The following CUBN variants were observed in gnomAD, a reference collection of about 807,000 sequenced individuals.
CUBN encodes cubilin.
In CUBN, 282 loss-of-function variants were observed where a neutral mutation model predicts 405.3. That is an observed-to-expected ratio of 0.70 (90% CI 0.63 to 0.77). CUBN has a LOEUF of 0.77. CUBN is among the 30% of genes least tolerant of loss of function. CUBN has a pLI of 0.00. For synonymous variants in CUBN, 1,684 were observed against 1,617.0 expected (o/e 1.04, Z -0.99); for missense variants, 4,514 against 4,475.2 (o/e 1.01, Z -0.25).
At chr10:16,903,472 G>C (rs1841457817) in intron 51 of CUBN, among the ~76,000 whole-genome samples, 1 of 151,822 alleles carries the variant, frequency 6.6e-6, no homozygotes, top group African/African-American at 2.4e-5. Flanking sequence ...AAAGCATAAA[G>C]AACTAACATT....
chr10:17,049,339 T>C (rs1246041166), intron 22 of CUBN, among the ~76,000 whole-genome samples: 2 of 152,160 alleles, frequency 1.3e-5, no homozygotes, highest in Non-Finnish European at 1.5e-5. Flanking sequence ...GGCCAGTAAA[T>C]CAAATATTTA....
At chr10:17,120,185 A>C (rs1837004599) in intron 6 of CUBN, among the ~76,000 whole-genome samples, 2 of 152,258 alleles carry the variant, frequency 1.3e-5, no homozygotes, top group Non-Finnish European at 2.9e-5. Flanking sequence ...TTAACCTCAC[A>C]TAATTAACAG....
At chr10:16,926,907 T>C (rs1842207686) in intron 41 of CUBN, among the ~76,000 whole-genome samples, 1 of 151,946 alleles carries the variant, frequency 6.6e-6, no homozygotes, top group Non-Finnish European at 1.5e-5. Flanking sequence ...GTGAAGTCTA[T>C]ATTTTAGTGC....
intron 17 of CUBN, among the ~76,000 whole-genome samples, chr10:17,075,078 T>A: frequency 1.0e-5 from 1 of 100,338 alleles, no homozygotes; most frequent in East Asian, 3.1e-4. Flanking sequence ...GTTTTCTTTT[T>A]TTTTTTTTTT....
chr10:17,057,978 C>T (rs770580989), intron 22 of CUBN, among the ~76,000 whole-genome samples: 4 of 151,858 alleles, frequency 2.6e-5, no homozygotes, highest in Admixed American at 6.6e-5. Flanking sequence ...AAAAATTAGC[C>T]GGGCATGGTG....
chr10:17,014,705 C>G (rs1283634425), intron 28 of CUBN, among the ~76,000 whole-genome samples: 4 of 152,166 alleles, frequency 2.6e-5, no homozygotes, highest in Non-Finnish European at 5.9e-5. Flanking sequence ...GGCTTCCAAA[C>G]AGGTAGCCAA....
chr10:16,907,501 A>G lies in CUBN; in HGVS notation c.7705+7T>C. The G allele has an allele frequency of 6.2e-7, 1 of 1,614,104 alleles. No individual in the cohort carries two copies. ...AAATGGGGGGCATTTACAACATCCTACATTACCTGCATCTTCACTGGAGGT... is the reference window on the plus strand; with the variant it reads ...AAATGGGGGGCATTTACAACATCCTGCATTACCTGCATCTTCACTGGAGGT... On this transcript the variant is annotated splice_region_variant and intron_variant, in intron 49 of 66. Coordinates refer to ENST00000377833, the MANE Select transcript of CUBN (RefSeq NM_001081.4).
At chr10:16,987,393 T>C (rs2131708060) in intron 29 of CUBN, among the ~76,000 whole-genome samples, 1 of 152,366 alleles carries the variant, frequency 6.6e-6, no homozygotes, top group Non-Finnish European at 1.5e-5. Context: ...ATGCTCAGGA[T>C]GGAGGACATT....
intron 22 of CUBN, among the ~76,000 whole-genome samples, chr10:17,055,537 T>A (rs1338046746): frequency 6.6e-6 from 1 of 152,086 alleles, no homozygotes; most frequent in African/African-American, 2.4e-5. Flanking sequence ...TTTATTTAAG[T>A]CATTAGAACT....
At chr10:17,048,928 G>A (rs544244842) in intron 22 of CUBN, among the ~76,000 whole-genome samples, 2 of 152,308 alleles carry the variant, frequency 1.3e-5, no homozygotes, top group South Asian at 2.1e-4. Context: ...AGCTCTCAAA[G>A]GAATGGGCAT....
chr10:16,959,027 G>A (rs534814807), intron 31 of CUBN, among the ~76,000 whole-genome samples: 26 of 152,286 alleles, frequency 1.7e-4, no homozygotes, highest in Admixed American at 8.5e-4. Flanking sequence ...AAGTGCAGAA[G>A]AGAGAGAACC....
chr10:16,842,268 A>C (rs756160787), intron 60 of CUBN, among the ~76,000 whole-genome samples: 7 of 152,048 alleles, frequency 4.6e-5, no homozygotes, highest in Non-Finnish European at 1.0e-4. Context: ...AAACTTGCTT[A>C]TTTCATTGGC....
intron 6 of CUBN, chr10:17,122,569 T>G (rs1327550065): frequency 1.7e-6 from 1 of 587,552 alleles, no homozygotes; most frequent in African/African-American, 1.9e-5. Context: ...TCCTTGGGGA[T>G]GTTAGAGCAA....
intron 6 of CUBN, among the ~76,000 whole-genome samples, chr10:17,120,105 T>A (rs1462208480): frequency 6.6e-6 from 1 of 152,204 alleles, no homozygotes; most frequent in Non-Finnish European, 1.5e-5. Context: ...CAAGTTTTCT[T>A]TTAGCTAATG....
rs966944419 is a variant in CUBN, at chr10:16,969,038, T to C, written c.4695+13446A>G. Among the ~76,000 whole-genome samples, 13 of 152,224 alleles carry C rather than the reference T, an allele frequency of 8.5e-5. 1 individual carries two copies. The highest frequency in any genetic ancestry group is 8.5e-4 in the Admixed American group (13 of 15,282). ...AATAGAAGTCAAAAAATCCAGTTTT[T>C]CCCTTTTCTCATTATAGCAGCATGC... On this transcript the variant is annotated intron_variant, in intron 31 of 66. Transcript: ENST00000377833.
intron 22 of CUBN, among the ~76,000 whole-genome samples, chr10:17,064,267 A>C: frequency 6.6e-6 from 1 of 152,216 alleles, no homozygotes; most frequent in East Asian, 1.9e-4. Flanking sequence ...TAGAACTTGA[A>C]CTGCTGCAGA....
At chr10:17,076,485 A>C (rs1835857709) in intron 17 of CUBN, among the ~76,000 whole-genome samples, 1 of 6,978 alleles carries the variant, frequency 1.4e-4, no homozygotes, top group Non-Finnish European at 2.4e-4. Context: ...CCCCCACCAA[A>C]AAAAAAAAAA....
intron 17 of CUBN, among the ~76,000 whole-genome samples, chr10:17,074,311 G>A (rs191146841): frequency 1.3e-5 from 2 of 152,242 alleles, no homozygotes; most frequent in Non-Finnish European, 2.9e-5. Flanking sequence ...GGAAATGTGT[G>A]AGAGTACCTT....
chr10:17,065,681 G>A, intron 21 of CUBN, 43 bp from the exon 22 acceptor site: 1 of 1,610,320 alleles, frequency 6.2e-7, no homozygotes, highest in African/African-American at 1.3e-5. Flanking sequence ...ATTTTAGTTT[G>A]GTATACTGAA....
Sources: gnomAD v4.1 joint callset for allele counts (sites outside exome capture counted in the v4.1 genomes callset) on GRCh38, gnomAD v4.1.1 for gene constraint, MANE v1.5 for transcripts, NCBI Gene and HGNC (gene_info 2026-07-23, HGNC 2026-07-21) for gene names.